THOC6: variants seen among roughly 807,000 people sequenced by gnomAD.
THOC6 encodes the protein THO complex 6.
Under a neutral mutation model 55.8 loss-of-function variants are expected in THOC6, and 39 were observed. That is an observed-to-expected ratio of 0.70 (90% CI 0.54 to 0.91). The LOEUF is 0.91. THOC6 is among the 40% of genes least tolerant of loss of function. The probability of loss-of-function intolerance (pLI) is 0.00; values close to 1 mark genes in which losing one functional copy is unlikely to be tolerated. For missense variants in THOC6, 482 were observed against 442.0 expected, an observed-to-expected ratio of 1.09 and a Z score of -0.81; for synonymous variants, 192 against 175.6, an observed-to-expected ratio of 1.09 and a Z score of -0.74.
intron 1 of THOC6, 149 bp from the exon 2 acceptor site, chr16:3,025,559 G>A: frequency 9.0e-6 from 6 of 663,672 alleles, no homozygotes; most frequent in Admixed American, 2.7e-5. Context: ...TGCATGGGCA[G>A]GTGCTGGCTT....
chr16:3,027,531 G>A (rs757737334), intron 12 of THOC6, 31 bp downstream of exon 12: 10 of 1,611,936 alleles, frequency 6.2e-6, no homozygotes, highest in Non-Finnish European at 5.9e-6. Flanking sequence ...GGAGCGGCTG[G>A]GAGGCAGGGG....
At chr16:3,024,440 T>C in intron 1 of THOC6, 75 bp downstream of exon 1, 1 of 1,575,832 alleles carries the variant, frequency 6.3e-7, no homozygotes. Context: ...GGGCAGGGAA[T>C]CGTGCCCTGA....
chr16:3,027,304 G>GC (rs761033178), intron 11 of THOC6, 24 bp downstream of exon 11: 14 of 1,614,148 alleles, frequency 8.7e-6, no homozygotes, highest in Non-Finnish European at 1.1e-5. Flanking sequence ...TCTCACTTCT[G>GC]CCACCCCCAC....
In THOC6 at chr16:3,026,051, A is replaced by G. The variant is rs377443811; in HGVS notation, c.221-12A>G. ...GTGGGATTGGCTCACTCAGTTCTGC[A>G]TTTCTCTTTAGCCCATGATGGGCCC... On this transcript the variant is annotated splice_polypyrimidine_tract_variant and intron_variant, in intron 3 of 12. Coordinates refer to ENST00000326266, the MANE Select transcript of THOC6 (RefSeq NM_024339.5). 1.9e-6 allele frequency: 3 copies of G among 1,613,410 alleles called. No individual in the cohort carries two copies. The African/African-American group carries it at 4.0e-5, about 22-fold the overall frequency.
rs1465279702 is a variant in THOC6, at chr16:3,025,702, C to G, written c.40-6C>G. On this transcript the variant is annotated splice_region_variant and splice_polypyrimidine_tract_variant and intron_variant, in intron 1 of 12. Coordinates refer to ENST00000326266, the MANE Select transcript of THOC6 (RefSeq NM_024339.5). Reference sequence around the variant, plus strand: ...CAGGCAGGCCTCATCCAGTCTTTCCCTGCAGACAGAGGTGTTCCAGGCCTT... The same window carrying G: ...CAGGCAGGCCTCATCCAGTCTTTCCGTGCAGACAGAGGTGTTCCAGGCCTT... The G allele has an allele frequency of 6.2e-7, 1 of 1,613,382 alleles. No individual in the cohort carries two copies. Among genetic ancestry groups the G allele is most frequent in the Admixed American group, 1.7e-5 (1 of 60,020 alleles).
At position 3,024,637 on chromosome 16, in the gene THOC6, C is replaced by CTTT. The variant is rs34833478; in HGVS notation, c.39+285_39+287dup. Among the ~76,000 whole-genome samples the CTTT allele has an allele frequency of 1.8e-4, 23 of 126,078 alleles. 2 individuals are homozygous for CTTT. The highest frequency in any genetic ancestry group is 2.7e-4 in the Non-Finnish European group (17 of 62,138). The allele number at this position is 126,078 out of a possible 152,430, so 82.7% of individuals were successfully genotyped here. ...TTAATTTTCTAGTTCTTGCAAAGCA[C>CTTT]TTTTTTTTTTTTTTTGAGACAGAGT... On this transcript the variant is annotated intron_variant, in intron 1 of 12. Coordinates refer to ENST00000326266, the MANE Select transcript of THOC6 (RefSeq NM_024339.5).
At position 3,027,639 on chromosome 16, in the gene THOC6, C is replaced by T. The variant is rs775522805; in HGVS notation, c.1008C>T (p.Ala336=). Residue 336 remains alanine, a synonymous_variant, in exon 13 of 13, where the codon GCC becomes GCT. Coordinates refer to ENST00000326266, the MANE Select transcript of THOC6 (RefSeq NM_024339.5). ...VDVFTNLGYR[A]FSLSF ...TCTTCACCAACCTGGGTTACCGAGC[C>T]TTCTCCCTGTCCTTCTGATCTCTGA... 1.2e-6 allele frequency: 2 copies of T among 1,614,132 alleles called. No homozygotes were observed. Among genetic ancestry groups the T allele is most frequent in the South Asian group, 2.2e-5 (2 of 91,080 alleles).
rs565192968 is a variant in THOC6 at position 3,025,819 on chromosome 16, T to C, written c.151T>C (p.Phe51Leu). The C allele has an allele frequency of 1.4e-5, 22 of 1,614,214 alleles. No individual in the cohort carries two copies. Among genetic ancestry groups the C allele is most frequent in the Middle Eastern group, 1.6e-4 (1 of 6,062 alleles). ...CAACAATTACGGGCAGATTGCCATC[T>C]TCAGGTACCCTCTGCCGCTGTCCAC... ...AGNNYGQIAI[F>L]SLSSALSSEA... Residue 51 changes from phenylalanine (F) to leucine (L), a missense_variant, in exon 2 of 13, where the codon TTC (phenylalanine) becomes CTC (leucine). Phe to Leu is a conservative substitution (Grantham distance 22, BLOSUM62 0). Transcript: ENST00000326266.
In THOC6 at chr16:3,027,395, C is replaced by T. The variant is rs565461345; in HGVS notation, c.840C>T (p.Val280=). 6.2e-6 allele frequency: 10 copies of T among 1,612,756 alleles called. No homozygotes were observed. In the South Asian group the frequency reaches 9.9e-5, roughly 16 times the overall value. The change falls in exon 12 of 13, where the codon GTC becomes GTT. Residue 280 remains valine (V), a synonymous_variant. Coordinates refer to ENST00000326266, the MANE Select transcript of THOC6 (RefSeq NM_024339.5). ...LILSAGQGRC[V]NQWQLSGELK... is the part of the protein sequence containing the mutation. ...TGTCAGCTGGCCAGGGCCGCTGCGTCAACCAGTGGCAGCTGAGCGGGGAGC... is the reference window on the plus strand; with the variant it reads ...TGTCAGCTGGCCAGGGCCGCTGCGTTAACCAGTGGCAGCTGAGCGGGGAGC...
Position 3,027,681 on chromosome 16 carries a change from C to T in THOC6, c.*24C>T. 3 of 1,600,348 alleles carry T rather than the reference C, an allele frequency of 1.9e-6. No individual in the cohort carries two copies. The highest frequency in any genetic ancestry group is 1.1e-5 in the South Asian group (1 of 88,438). ...GATCTCTGACGACACCCCCAGCCAG[C>T]TCAGGGTTTTAGAGTGTTTTTCATT... On this transcript the variant is annotated 3_prime_UTR_variant, in exon 13 of 13. Coordinates refer to ENST00000326266, the MANE Select transcript of THOC6 (RefSeq NM_024339.5).
rs776983996 is a variant in THOC6 at position 3,027,656 on chromosome 16, G to T, written c.1025G>T (p.Ter342LeuextTer12). The T allele has an allele frequency of 6.2e-7, 1 of 1,613,488 alleles. No individual in the cohort carries two copies. Among genetic ancestry groups the T allele is most frequent in the Non-Finnish European group, 8.5e-7 (1 of 1,179,886 alleles). The change falls in exon 13 of 13, where the codon TGA becomes TTA. Residue 342 changes from the stop codon to leucine (L), a stop_lost. Coordinates refer to ENST00000326266, the MANE Select transcript of THOC6 (RefSeq NM_024339.5). ...LGYRAFSLSF[*>L] ...TACCGAGCCTTCTCCCTGTCCTTCT[G>T]ATCTCTGACGACACCCCCAGCCAGC...
rs764148473 is a variant in THOC6, at chr16:3,024,340, T to G, written c.14T>G (p.Val5Gly). The G allele has an allele frequency of 1.2e-6, 2 of 1,614,084 alleles. No individual in the cohort carries two copies. Among genetic ancestry groups the G allele is most frequent in the South Asian group, 1.1e-5 (1 of 91,080 alleles). Reference sequence around the variant, plus strand: ...GTAGTTCTGGAGATGGAGCGAGCTGTGCCGCTCGCGGTGCCTCTGGGTCAG... The same window carrying G: ...GTAGTTCTGGAGATGGAGCGAGCTGGGCCGCTCGCGGTGCCTCTGGGTCAG... MERA[V>G]PLAVPLGQTE... is the part of the protein sequence containing the mutation. The change falls in exon 1 of 13, where the codon GTG becomes GGG. Residue 5 changes from valine to glycine, a missense_variant. Transcript: ENST00000326266.
rs73483542 is a variant in THOC6, at chr16:3,026,086, A to G, written c.244A>G (p.Met82Val). Residue 82 changes from methionine (M) to valine (V), a missense_variant, in exon 4 of 13, where the codon ATG (methionine) becomes GTG (valine). Met to Val is a conservative substitution (Grantham distance 21). Coordinates refer to ENST00000326266, the MANE Select transcript of THOC6 (RefSeq NM_024339.5). ...FQAHDGPVYSMVSTDRHLLSA... is the reference protein window; with the variant it reads ...FQAHDGPVYSVVSTDRHLLSA... ...AGCCCATGATGGGCCCGTCTATAGCATGGTTTCCACCGATCGACATCTGCT... is the reference window on the plus strand; with the variant it reads ...AGCCCATGATGGGCCCGTCTATAGCGTGGTTTCCACCGATCGACATCTGCT... The G allele has an allele frequency of 1.9e-6, 3 of 1,610,942 alleles. No individual in the cohort carries two copies. Among genetic ancestry groups the G allele is most frequent in the African/African-American group, 1.3e-5 (1 of 74,946 alleles).
rs140664908 is a variant in THOC6, at chr16:3,027,413, C to T, written c.858C>T (p.Ser286=). Reference sequence around the variant, plus strand: ...GCTGCGTCAACCAGTGGCAGCTGAGCGGGGAGCTGAAGGCCCAGGTGCCTG... The same window carrying T: ...GCTGCGTCAACCAGTGGCAGCTGAGTGGGGAGCTGAAGGCCCAGGTGCCTG... ...QGRCVNQWQL[S]GELKAQVPGS... Residue 286 remains serine, a synonymous_variant, in exon 12 of 13, where the codon AGC becomes AGT. Coordinates refer to ENST00000326266, the MANE Select transcript of THOC6 (RefSeq NM_024339.5). 513 of 1,612,192 alleles carry T rather than the reference C, an allele frequency of 3.2e-4. 3 individuals are homozygous for T. In the Admixed American group the frequency reaches 5.6e-3, roughly 18 times the overall value.
intron 1 of THOC6, 105 bp downstream of exon 1, chr16:3,024,470 A>G (rs748861415): frequency 2.4e-5 from 35 of 1,430,984 alleles, no homozygotes; most frequent in Non-Finnish European, 3.4e-5. Context: ...TGCCTGGGCT[A>G]TTTGTGGGAC....
chr16:3,024,466 G>A, intron 1 of THOC6, 101 bp downstream of exon 1: 2 of 1,467,784 alleles, frequency 1.4e-6, no homozygotes, highest in Admixed American at 3.4e-5. Flanking sequence ...GTTTTGCCTG[G>A]GCTATTTGTG....
chr16:3,027,705 T>TTTTC lies in THOC6; in HGVS notation c.*52_*55dup, dbSNP rs2072838618. On this transcript the variant is annotated 3_prime_UTR_variant, in exon 13 of 13. Transcript: ENST00000326266. ...GCTCAGGGTTTTAGAGTGTTTTTCATTTTCTTTTTTTTTTTTTTTTTACAA... is the reference window on the plus strand; with the variant it reads ...GCTCAGGGTTTTAGAGTGTTTTTCATTTTCTTTCTTTTTTTTTTTTTTTTTACAA... The TTTTC allele has an allele frequency of 6.7e-7, 1 of 1,486,030 alleles. No homozygotes were observed. Among genetic ancestry groups the TTTTC allele is most frequent in the African/African-American group, 1.7e-5 (1 of 58,666 alleles). The allele number at this position is 1,486,030 out of a possible 1,614,324, so 92.1% of individuals were successfully genotyped here. A position where few individuals can be genotyped will look rare whatever the true frequency, so the allele number is the denominator to read the frequency against.
chr16:3,027,488 G>A lies in THOC6; in HGVS notation c.933G>A (p.Ala311=), dbSNP rs537370066. 8.9e-5 allele frequency: 144 copies of A among 1,610,174 alleles called. No individual in the cohort carries two copies. Among genetic ancestry groups the A allele is most frequent in the East Asian group, 3.3e-4 (15 of 44,808 alleles). The change falls in exon 12 of 13, where the codon GCG becomes GCA. Residue 311 remains alanine, a synonymous_variant. Transcript: ENST00000326266. ...LSLSLNQQPA[A]PECKVLTAAG... ...TCAGCCTCAACCAGCAGCCTGCCGC[G>A]CCTGAGTGCAAGGTGGGTCCGGCAG...
rs751093907 is a variant in THOC6 at position 3,027,606 on chromosome 16, G to C, written c.975G>C (p.Arg325=). Residue 325 remains arginine, a synonymous_variant, in exon 13 of 13, where the codon CGG becomes CGC. Transcript: ENST00000326266. ...KVLTAAGNSC[R]VDVFTNLGYR... ...TGACAGCTGCAGGCAACAGCTGCCG[G>C]GTGGATGTCTTCACCAACCTGGGTT... 3.1e-6 allele frequency: 5 copies of C among 1,614,176 alleles called. No homozygotes were observed. Among genetic ancestry groups the C allele is most frequent in the Non-Finnish European group, 3.4e-6 (4 of 1,180,014 alleles).
Sources: gnomAD v4.1 joint callset for allele counts (sites outside exome capture counted in the v4.1 genomes callset) on GRCh38, gnomAD v4.1.1 for gene constraint, MANE v1.5 for transcripts, NCBI Gene and HGNC (gene_info 2026-07-23, HGNC 2026-07-21) for gene names.